PRELID2: variants seen among roughly 807,000 people sequenced by gnomAD.
PRELID2 encodes PRELI domain-containing protein 2.
In PRELID2, 25 loss-of-function variants were observed where a neutral mutation model predicts 28.4. The observed-to-expected ratio is 0.88, with a 90% CI of 0.64 to 1.23. PRELID2 has a LOEUF of 1.23. Ranked by LOEUF, PRELID2 falls within the 50% of genes most tolerant of loss-of-function variation. PRELID2 has a pLI of 0.00. For missense variants in PRELID2, 201 were observed against 214.4 expected (o/e 0.94, Z 0.39); for synonymous variants, 76 against 71.6 (o/e 1.06, Z -0.31).
intron 1 of PRELID2, among the ~76,000 whole-genome samples, chr5:145,599,673 T>G (rs963867054): frequency 6.6e-6 from 1 of 152,166 alleles, no homozygotes; most frequent in Non-Finnish European, 1.5e-5. Context: ...TGACATGTAC[T>G]TAATAAATAT....
At chr5:145,638,215 A>AT (rs1188606915) in intron 1 of PRELID2, among the ~76,000 whole-genome samples, 2 of 152,180 alleles carry the variant, frequency 1.3e-5, no homozygotes, top group Non-Finnish European at 2.9e-5. Flanking sequence ...AACCACTGTG[A>AT]TTTTACAAGA....
intron 1 of PRELID2, among the ~76,000 whole-genome samples, chr5:145,512,605 C>T (rs781272699): frequency 2.0e-5 from 3 of 152,164 alleles, no homozygotes; most frequent in Non-Finnish European, 4.4e-5. Context: ...AAGAGAGCAG[C>T]GGATGTCCCA....
chr5:145,457,472 C>G, the PRELID2 span, among the ~76,000 whole-genome samples: 1 of 152,168 alleles, frequency 6.6e-6, no homozygotes, highest in East Asian at 1.9e-4. Flanking sequence ...GAACATTTTT[C>G]AAAGACATGA....
chr5:145,593,331 G>A (rs187172677), intron 1 of PRELID2, among the ~76,000 whole-genome samples: 50 of 152,258 alleles, frequency 3.3e-4, no homozygotes, highest in African/African-American at 1.2e-3. Context: ...CCAAATACAA[G>A]TCTGTGGTAG....
the PRELID2 span, among the ~76,000 whole-genome samples, chr5:145,459,042 G>A: frequency 6.6e-6 from 1 of 152,174 alleles, no homozygotes; most frequent in African/African-American, 2.4e-5. Flanking sequence ...AATGCCATCA[G>A]CCACCTAGGG....
chr5:145,817,198 A>T (rs1438294137), intron 4 of PRELID2, among the ~76,000 whole-genome samples: 9 of 70,074 alleles, frequency 1.3e-4, no homozygotes, highest in Middle Eastern at 0.011. Flanking sequence ...TTCAAAAAAA[A>T]ATAAATAAAT....
At chr5:145,301,930 C>CTTTTTTTTTTTTT in the PRELID2 span, among the ~76,000 whole-genome samples, 13 of 110,174 alleles carry the variant, frequency 1.2e-4, no homozygotes, top group Admixed American at 3.1e-4. Context: ...TTATTCATTT[C>CTTTTTTTTTTTTT]TTTTTTTTTT....
chr5:145,580,141 C>G (rs1560684), intron 1 of PRELID2, among the ~76,000 whole-genome samples: 5,317 of 152,136 alleles, frequency 0.035, 282 homozygotes, highest in African/African-American at 0.12. Context: ...ATCCAAGAAT[C>G]TGTTACAGTA....
chr5:145,292,895 TA>T, the PRELID2 span, among the ~76,000 whole-genome samples: 2 of 152,024 alleles, frequency 1.3e-5, no homozygotes, highest in South Asian at 2.1e-4. Context: ...TTTTTATTAT[TA>T]TTTTTTTTGA....
chr5:145,404,991 A>G, the PRELID2 span, among the ~76,000 whole-genome samples: 1 of 152,132 alleles, frequency 6.6e-6, no homozygotes, highest in Admixed American at 6.5e-5. Flanking sequence ...TCATATTTTC[A>G]TGGTTTTAAA....
At chr5:145,444,637 C>A in the PRELID2 span, among the ~76,000 whole-genome samples, 2 of 151,932 alleles carry the variant, frequency 1.3e-5, no homozygotes, top group Non-Finnish European at 2.9e-5. Flanking sequence ...AGCCCCCTCC[C>A]TTTTTTTGAC....
At chr5:145,231,944 T>C in the PRELID2 span, among the ~76,000 whole-genome samples, 3 of 152,158 alleles carry the variant, frequency 2.0e-5, no homozygotes, top group Non-Finnish European at 4.4e-5. Context: ...GCTTGGATGT[T>C]GCTCCCAGAA....
At chr5:145,505,951 A>G (rs1229836748) in intron 1 of PRELID2, among the ~76,000 whole-genome samples, 1 of 152,198 alleles carries the variant, frequency 6.6e-6, no homozygotes, top group Non-Finnish European at 1.5e-5. Flanking sequence ...AGTCAAACTC[A>G]TAGAAATGGA....
chr5:145,251,848 C>G, the PRELID2 span, among the ~76,000 whole-genome samples: 44 of 152,204 alleles, frequency 2.9e-4, no homozygotes, highest in African/African-American at 1.0e-3. Context: ...TCTGCCTAGA[C>G]AGTCTAGCCA....
intron 1 of PRELID2, among the ~76,000 whole-genome samples, chr5:145,585,719 T>A (rs116638557): frequency 0.015 from 2,288 of 152,242 alleles, 63 homozygotes; most frequent in African/African-American, 0.051. Context: ...AGGGACCTTT[T>A]TTTAATAGAG....
chr5:145,823,014 CAT>C, intron 2 of PRELID2, 61 bp downstream of exon 2: 1 of 907,840 alleles, frequency 1.1e-6, no homozygotes. Context: ...CACGTACACA[CAT>C]CTTTACAAAA....
rs146592895 is a variant in PRELID2 at position 145,645,625 on chromosome 5, G to T, written n.70+119306C>A. On this transcript the variant is annotated intron_variant and non_coding_transcript_variant, in intron 1 of 2. Transcript: ENST00000510259. ...CGTTAGTTGATGCAGTTTCTTCATA[G>T]TGTCGACATTCTTTACAATTTGATA... Among the ~76,000 whole-genome samples the T allele has an allele frequency of 2.3e-3, 356 of 152,168 alleles. 1 individual carries two copies. The highest frequency in any genetic ancestry group is 8.3e-3 in the African/African-American group (345 of 41,506).
chr5:145,300,855 A>G, the PRELID2 span, among the ~76,000 whole-genome samples: 2 of 151,818 alleles, frequency 1.3e-5, no homozygotes, highest in South Asian at 4.2e-4. Context: ...GAAGTCTTCT[A>G]TTCGATTTTG....
chr5:145,695,309 C>G (rs887020591), intron 1 of PRELID2, among the ~76,000 whole-genome samples: 7 of 152,102 alleles, frequency 4.6e-5, no homozygotes, highest in Admixed American at 2.0e-4. Flanking sequence ...CAGCAAAGAA[C>G]GTGCGCAAAA....
Sources: allele counts gnomAD v4.1 joint callset (sites outside exome capture counted in the v4.1 genomes callset), GRCh38; gene constraint gnomAD v4.1.1; transcripts MANE v1.5; gene names NCBI Gene and HGNC (gene_info 2026-07-23, HGNC 2026-07-21).